The following CCDC14 variants were observed in gnomAD, a reference collection of about 807,000 sequenced individuals.
CCDC14 encodes coiled-coil domain-containing protein 14.
Under a neutral mutation model 81.4 loss-of-function variants are expected in CCDC14, and 71 were observed. The ratio of observed to expected loss-of-function variants is 0.87; its 90% CI spans 0.72 to 1.06. CCDC14 has a LOEUF of 1.06. CCDC14 is among the 50% of genes least tolerant of loss of function. CCDC14 has a pLI of 0.00. For missense variants in CCDC14, 1,046 were observed against 1,047.3 expected (o/e 1.00, Z 0.02); for synonymous variants, 332 against 364.8 (o/e 0.91, Z 1.03).
At chr3:123,936,915 T>G (rs1183904056) in intron 9 of CCDC14, among the ~76,000 whole-genome samples, 3 of 152,114 alleles carry the variant, frequency 2.0e-5, no homozygotes, top group African/African-American at 7.2e-5. Flanking sequence ...TCCTCCCAGA[T>G]AAGCACTTAT....
intron 10 of CCDC14, chr3:123,933,469 T>C (rs1231376706): frequency 5.5e-6 from 3 of 549,560 alleles, no homozygotes; most frequent in Non-Finnish European, 9.6e-6. Flanking sequence ...AGAGAAGATA[T>C]GTAAAAGGAA....
intron 5 of CCDC14, among the ~76,000 whole-genome samples, chr3:123,905,801 C>G (rs2034294338): frequency 6.6e-6 from 1 of 152,134 alleles, no homozygotes; most frequent in Non-Finnish European, 1.5e-5. Flanking sequence ...AAACTACGTG[C>G]ACAGGCTTAA....
At chr3:123,947,965 GT>G (rs554868392) in intron 7 of CCDC14, among the ~76,000 whole-genome samples, 12 of 151,978 alleles carry the variant, frequency 7.9e-5, no homozygotes, top group Non-Finnish European at 1.2e-4. Context: ...TAATAAACAT[GT>G]TTTTAATAAA....
At chr3:123,919,703 T>C (rs1414029349) in intron 12 of CCDC14, among the ~76,000 whole-genome samples, 7 of 152,208 alleles carry the variant, frequency 4.6e-5, no homozygotes, top group East Asian at 3.8e-4. Flanking sequence ...TGCCTGCCTA[T>C]AGTCACTACC....
chr3:123,960,943 G>T (rs904780860), intron 1 of CCDC14, among the ~76,000 whole-genome samples: 1 of 152,180 alleles, frequency 6.6e-6, no homozygotes, highest in African/African-American at 2.4e-5. Context: ...GGGCTACGAC[G>T]ATTTAAACAG....
chr3:123,933,583 T>C, intron 10 of CCDC14, 90 bp downstream of exon 10: 1 of 807,704 alleles, frequency 1.2e-6, no homozygotes. Flanking sequence ...TTTAAATTTA[T>C]CCCCTCAAAG....
chr3:123,949,311 T>G, intron 5 of CCDC14, 179 bp from the exon 6 acceptor site: 1 of 577,066 alleles, frequency 1.7e-6, no homozygotes, highest in Non-Finnish European at 3.1e-6. Flanking sequence ...TGAAAGTAAT[T>G]AGTGTTTAAG....
downstream of CCDC14, among the ~76,000 whole-genome samples, chr3:123,895,219 T>C (rs1248390562): frequency 6.6e-6 from 1 of 152,192 alleles, no homozygotes; most frequent in South Asian, 2.1e-4. Context: ...GGATCTCCCA[T>C]CTGTCTATGC....
At chr3:123,930,879 C>T (rs2035661092) in intron 12 of CCDC14, 7 of 450,594 alleles carry the variant, frequency 1.6e-5, no homozygotes, top group Admixed American at 1.2e-4. Flanking sequence ...ATCAGGACCC[C>T]CTGCCCAGAA....
rs764541964 is a variant in CCDC14, at chr3:123,947,003, A to G, written c.1001T>C (p.Phe334Ser). The G allele has an allele frequency of 2.5e-6, 4 of 1,613,976 alleles. No individual in the cohort carries two copies. The South Asian group carries it at 3.3e-5, about 13-fold the overall frequency. The change falls in exon 8 of 13, where the codon TTC (phenylalanine) becomes TCC (serine). Residue 334 changes from phenylalanine (F) to serine (S), a missense_variant. Coordinates refer to ENST00000409697, the MANE Select transcript of CCDC14 (RefSeq NM_001366335.1). ...ACATTTTTCTTCATTAGTGGCCAAG[A>G]AAGCTGGTTGTGACTGAGTAGGGCT... is the stretch of plus-strand genomic sequence containing the variant. ...HRSPTQSQPAFLATNEEKCAR... is the reference protein window; with the variant it reads ...HRSPTQSQPASLATNEEKCAR...
In CCDC14 at chr3:123,956,516, A is replaced by G. The variant is rs984236451; in HGVS notation, c.87-89T>C. 11 of 961,974 alleles carry G rather than the reference A, an allele frequency of 1.1e-5. No individual in the cohort carries two copies. In the African/African-American group the frequency reaches 1.7e-4, roughly 15 times the overall value. 59.6% of individuals were successfully genotyped at this position (961,974 alleles called of 1,614,324 possible). On this transcript the variant is annotated intron_variant, in intron 2 of 12. Transcript: ENST00000409697. ...ATTTTCTTTCCAGCAAAGACAAGAA[A>G]GCTTGTCCAACCATGTACAAGATGA...
Position 123,956,793 on chromosome 3 carries a change from C to T in CCDC14, c.33G>A (p.Val11=), listed in dbSNP as rs1207721411. The change falls in exon 2 of 13, where the codon GTG becomes GTA. Residue 11 remains valine, a splice_region_variant and synonymous_variant. Coordinates refer to ENST00000409697, the MANE Select transcript of CCDC14 (RefSeq NM_001366335.1). Reference sequence around the variant, plus strand: ...GTCCAGTGTGCCTTCCTGAAGATAACACCTATGACATAATATATTATAGCA... The same window carrying T: ...GTCCAGTGTGCCTTCCTGAAGATAATACCTATGACATAATATATTATAGCA... MVRSGARPGQ[V]LSSGRHTGPA... 1.3e-6 allele frequency: 2 copies of T among 1,526,970 alleles called. No individual in the cohort carries two copies. The highest frequency in any genetic ancestry group is 2.5e-5 in the East Asian group (1 of 40,638). The allele number at this position is 1,526,970 out of a possible 1,614,324, so 94.6% of individuals were successfully genotyped here. A position where few individuals can be genotyped will look rare whatever the true frequency, so the allele number is the denominator to read the frequency against.
chr3:123,887,480 C>CAACAA, the CCDC14 span, among the ~76,000 whole-genome samples: 850 of 145,154 alleles, frequency 5.9e-3, 13 homozygotes, highest in African/African-American at 0.021. Flanking sequence ...ACAACAACAA[C>CAACAA]AAAAAAAAAA....
chr3:123,944,299 G>A (rs755327429), intron 9 of CCDC14, among the ~76,000 whole-genome samples: 10 of 152,138 alleles, frequency 6.6e-5, no homozygotes, highest in Admixed American at 2.0e-4. Context: ...GCAGGGCCAT[G>A]TGCCTTGTTT....
downstream of CCDC14, among the ~76,000 whole-genome samples, chr3:123,896,278 T>C (rs547938307): frequency 6.6e-6 from 1 of 152,280 alleles, no homozygotes; most frequent in East Asian, 1.9e-4. Flanking sequence ...GCCCTGGGAC[T>C]CTATAGAGAC....
chr3:123,923,235 T>C (rs1023022515), intron 12 of CCDC14, among the ~76,000 whole-genome samples: 1 of 152,042 alleles, frequency 6.6e-6, no homozygotes, highest in African/African-American at 2.4e-5. Context: ...CAACACTCTT[T>C]CATGAAAAAA....
intron 5 of CCDC14, among the ~76,000 whole-genome samples, chr3:123,950,648 G>T (rs113642848): frequency 1.8e-3 from 280 of 152,070 alleles, no homozygotes; most frequent in Non-Finnish European, 2.8e-3. Flanking sequence ...TGATGGTGAG[G>T]GTACTGACAG....
chr3:123,907,499 G>C (rs1237018163), intron 5 of CCDC14, among the ~76,000 whole-genome samples: 1 of 151,536 alleles, frequency 6.6e-6, no homozygotes, highest in African/African-American at 2.4e-5. Flanking sequence ...CTTGAGCCCA[G>C]GAGTTCAAAA....
At chr3:123,885,599 T>C in the CCDC14 span, among the ~76,000 whole-genome samples, 1 of 152,130 alleles carries the variant, frequency 6.6e-6, no homozygotes, top group Non-Finnish European at 1.5e-5. Flanking sequence ...ATGAGGCAAT[T>C]CAGCATGTTT....
Sources: gnomAD v4.1 joint callset for allele counts (sites outside exome capture counted in the v4.1 genomes callset) on GRCh38, gnomAD v4.1.1 for gene constraint, MANE v1.5 for transcripts, NCBI Gene and HGNC (gene_info 2026-07-23, HGNC 2026-07-21) for gene names.